The following EXTL3 variants were observed in gnomAD, a reference collection of about 807,000 sequenced individuals.
EXTL3 encodes the protein exostosin-like 3.
Under a neutral mutation model 69.3 loss-of-function variants are expected in EXTL3, and 27 were observed. That is an observed-to-expected ratio of 0.39 (90% confidence interval 0.29 to 0.54). The LOEUF (loss-of-function observed/expected upper bound fraction) is 0.54. Ranked by LOEUF, EXTL3 falls within the 20% of genes least tolerant of loss-of-function variation. The probability of loss-of-function intolerance (pLI) is 0.69; values close to 1 mark genes in which losing one functional copy is unlikely to be tolerated. For synonymous variants in EXTL3, 511 were observed against 499.4 expected (o/e 1.02, Z -0.31); for missense variants, 1,003 against 1,231.8 (o/e 0.81, Z 2.78).
intron 1 of EXTL3, among the ~76,000 whole-genome samples, chr8:28,669,910 C>G (rs1337358337): frequency 6.6e-6 from 1 of 152,022 alleles, no homozygotes; most frequent in Non-Finnish European, 1.5e-5. Flanking sequence ...TGCAGATGTC[C>G]TTTAAAGGGA....
At chr8:28,696,334 A>T (rs1484666925) in intron 1 of EXTL3, 1 of 152,258 alleles carries the variant, frequency 6.6e-6, no homozygotes, top group Non-Finnish European at 1.5e-5. Context: ...AAACAGCATT[A>T]TCACTGCCCA....
chr8:28,610,723 A>G (rs995209150), intron 2 of EXTL3, among the ~76,000 whole-genome samples: 1 of 151,350 alleles, frequency 6.6e-6, no homozygotes, highest in Non-Finnish European at 1.5e-5. Flanking sequence ...TCAAGTTTGT[A>G]AATCAAGCCC....
At chr8:28,728,316 G>A (rs978096392) in intron 3 of EXTL3, among the ~76,000 whole-genome samples, 1 of 152,234 alleles carries the variant, frequency 6.6e-6, no homozygotes, top group Non-Finnish European at 1.5e-5. Flanking sequence ...CAGCTGCTAA[G>A]GTGAGCACTT....
intron 1 of EXTL3, among the ~76,000 whole-genome samples, chr8:28,645,015 A>T (rs1203271823): frequency 6.6e-6 from 1 of 152,138 alleles, no homozygotes; most frequent in East Asian, 1.9e-4. Context: ...TAACATTATC[A>T]TATTGTTTTC....
intron 1 of EXTL3, among the ~76,000 whole-genome samples, chr8:28,663,597 G>A (rs559818828): frequency 6.6e-5 from 10 of 152,144 alleles, no homozygotes; most frequent in African/African-American, 2.2e-4. Flanking sequence ...AATTACAGGT[G>A]CACACCACCA....
chr8:28,684,480 C>T (rs750361495), intron 1 of EXTL3, among the ~76,000 whole-genome samples: 2 of 152,074 alleles, frequency 1.3e-5, no homozygotes, highest in South Asian at 2.1e-4. Context: ...TGATGGCTCA[C>T]CCTTGTAATC....
At chr8:28,658,195 A>C (rs115610055) in intron 1 of EXTL3, among the ~76,000 whole-genome samples, 2,069 of 137,090 alleles carry the variant, frequency 0.015, 44 homozygotes, top group African/African-American at 0.056. Flanking sequence ...TTGACACCGG[A>C]CGGTGGGTGG....
In EXTL3 at chr8:28,717,295, G is replaced by A; in HGVS notation, c.1236G>A (p.Trp412Ter). ...NQPKPSLPTE[W>*]ALCGEREDRL... ...CCAAACCCAGCCTGCCGACTGAGTG[G>A]GCACTGTGTGGAGAGCGGGAGGACC... The change falls in exon 3 of 7, where the codon TGG (tryptophan) becomes TGA (stop). Residue 412 changes from tryptophan to a stop codon, truncating the protein, a stop_gained. Transcript: ENST00000220562. LOFTEE classifies it high-confidence loss of function. The surrounding 1 kb of genome is among the most constrained non-coding windows in gnomAD (Gnocchi z 8.3). The A allele has an allele frequency of 6.2e-7, 1 of 1,614,244 alleles. No individual in the cohort carries two copies. Among genetic ancestry groups the A allele is most frequent in the Non-Finnish European group, 8.5e-7 (1 of 1,180,050 alleles).
At chr8:28,684,968 C>G (rs1807553002) in intron 1 of EXTL3, among the ~76,000 whole-genome samples, 1 of 79,356 alleles carries the variant, frequency 1.3e-5, no homozygotes, top group African/African-American at 4.8e-5. Context: ...GTTTTTTTTT[C>G]TGAGATGGAG....
chr8:28,679,610 C>T (rs1442091883), intron 1 of EXTL3, among the ~76,000 whole-genome samples: 1 of 151,916 alleles, frequency 6.6e-6, no homozygotes, highest in African/African-American at 2.4e-5. Flanking sequence ...GTGAGGCACT[C>T]ATGTAGTCCC....
Position 28,716,064 on chromosome 8 carries a change from C to T in EXTL3, c.5C>T (p.Thr2Ile), listed in dbSNP as rs2130734907. The change falls in exon 3 of 7, where the codon ACA becomes ATA. Residue 2 changes from threonine to isoleucine, a missense_variant. Transcript: ENST00000220562. The surrounding 1 kb of genome is among the most constrained non-coding windows in gnomAD (Gnocchi z 7.1). M[T>I]GYTMLRNGGA... ...GGGGCAGGCTGCAGAGGACTCATGA[C>T]AGGCTATACCATGCTGCGGAATGGG... The T allele has an allele frequency of 4.4e-6, 7 of 1,604,206 alleles. No homozygotes were observed. Among genetic ancestry groups the T allele is most frequent in the East Asian group, 2.2e-5 (1 of 44,822 alleles).
chr8:28,665,908 T>C (rs10503832), intron 1 of EXTL3, among the ~76,000 whole-genome samples: 5,807 of 152,326 alleles, frequency 0.038, 355 homozygotes, highest in African/African-American at 0.13. Context: ...TCCTAATGAT[T>C]GCCATGGTGC....
intron 1 of EXTL3, among the ~76,000 whole-genome samples, chr8:28,679,440 G>C (rs1440237014): frequency 6.6e-6 from 1 of 151,876 alleles, no homozygotes; most frequent in Non-Finnish European, 1.5e-5. Flanking sequence ...GCAAGATGCT[G>C]TCTCAAAAAA....
At chr8:28,655,746 G>A (rs904683286) in intron 1 of EXTL3, among the ~76,000 whole-genome samples, 4 of 151,994 alleles carry the variant, frequency 2.6e-5, no homozygotes, top group East Asian at 1.9e-4. Flanking sequence ...CACCAGCCTC[G>A]GCCTCCCAAA....
chr8:28,674,483 C>G (rs1807347984), intron 1 of EXTL3, among the ~76,000 whole-genome samples: 1 of 152,212 alleles, frequency 6.6e-6, no homozygotes, highest in African/African-American at 2.4e-5. Context: ...ATTCACATTC[C>G]TAGTTCATGC....
intron 1 of EXTL3, among the ~76,000 whole-genome samples, chr8:28,666,728 A>T (rs1435352464): frequency 6.6e-6 from 1 of 151,954 alleles, no homozygotes. Flanking sequence ...GGCACATGCC[A>T]CCACACCCAG....
chr8:28,625,613 T>A (rs1449055658), intron 1 of EXTL3, among the ~76,000 whole-genome samples: 2 of 152,200 alleles, frequency 1.3e-5, no homozygotes, highest in Admixed American at 6.5e-5. Context: ...ATTTGTTCAA[T>A]AAACACCCTA....
intron 1 of EXTL3, among the ~76,000 whole-genome samples, chr8:28,650,881 A>G (rs377397249): frequency 4.0e-5 from 6 of 151,604 alleles, no homozygotes; most frequent in African/African-American, 1.5e-4. Flanking sequence ...TCTTTTTTCA[A>G]ATTTACTTCT....
At chr8:28,611,230 C>T (rs1197661707) in intron 2 of EXTL3, among the ~76,000 whole-genome samples, 1 of 152,178 alleles carries the variant, frequency 6.6e-6, no homozygotes, top group Admixed American at 6.6e-5. Context: ...GCAGGAAAAT[C>T]AGTTAAGCCC....
Sources: gnomAD v4.1 joint callset for allele counts (sites outside exome capture counted in the v4.1 genomes callset) on GRCh38, gnomAD v4.1.1 for gene constraint, Gnocchi (gnomAD v3.1) non-coding constraint, MANE v1.5 for transcripts, NCBI Gene and HGNC (gene_info 2026-07-23, HGNC 2026-07-21) for gene names.